GPC6: variants seen among roughly 807,000 people sequenced by gnomAD.
The protein encoded by GPC6 is glypican 6.
A neutral mutation model predicts 55.2 loss-of-function variants in GPC6; 14 were observed. The ratio of observed to expected loss-of-function variants is 0.25; its 90% CI spans 0.17 to 0.40. The LOEUF (loss-of-function observed/expected upper bound fraction) is 0.40, where lower values mean the gene tolerates loss of function less well. Ranked by LOEUF, GPC6 falls within the 10% of genes least tolerant of loss-of-function variation. GPC6 has a pLI of 1.00. For synonymous variants in GPC6, 278 were observed against 259.6 expected (o/e 1.07, Z -0.68); for missense variants, 641 against 708.5 (o/e 0.90, Z 1.08).
At chr13:93,757,562 A>T (rs1884817164) in intron 2 of GPC6, among the ~76,000 whole-genome samples, 1 of 152,202 alleles carries the variant, frequency 6.6e-6, no homozygotes. Flanking sequence ...TCCCTTTGTC[A>T]GTGAACATTG....
intron 2 of GPC6, among the ~76,000 whole-genome samples, chr13:93,804,846 C>T (rs1886493694): frequency 6.6e-6 from 1 of 152,164 alleles, no homozygotes; most frequent in Non-Finnish European, 1.5e-5. Context: ...GTTGGCACAT[C>T]ACTTAAAACT....
At chr13:93,256,378 T>C (rs980706824) in intron 1 of GPC6, among the ~76,000 whole-genome samples, 1 of 152,050 alleles carries the variant, frequency 6.6e-6, no homozygotes, top group Non-Finnish European at 1.5e-5. Flanking sequence ...GAATAATTTA[T>C]CTCTCCTCTT....
At chr13:94,221,581 C>T (rs528928441) in intron 4 of GPC6, among the ~76,000 whole-genome samples, 1 of 152,198 alleles carries the variant, frequency 6.6e-6, no homozygotes, top group East Asian at 1.9e-4. Flanking sequence ...GTATATACTG[C>T]AGTATGATTG....
chr13:93,259,624 C>T (rs1877069440), intron 1 of GPC6, among the ~76,000 whole-genome samples: 1 of 151,644 alleles, frequency 6.6e-6, no homozygotes, highest in South Asian at 2.1e-4. Flanking sequence ...GTTCTTTTTC[C>T]AGTCAGTTTG....
intron 1 of GPC6, among the ~76,000 whole-genome samples, chr13:93,500,540 A>G (rs1471467540): frequency 5.3e-5 from 8 of 152,088 alleles, no homozygotes; most frequent in East Asian, 1.9e-4. Context: ...ATAATTGCAT[A>G]TTACTTAATA....
chr13:94,194,245 T>G (rs1297555118), intron 4 of GPC6, among the ~76,000 whole-genome samples: 1 of 152,226 alleles, frequency 6.6e-6, no homozygotes, highest in African/African-American at 2.4e-5. Context: ...TAAATTTGAA[T>G]TTCAGATAAA....
intron 3 of GPC6, among the ~76,000 whole-genome samples, chr13:93,881,408 A>G (rs1311783058): frequency 6.6e-6 from 1 of 152,108 alleles, no homozygotes; most frequent in Non-Finnish European, 1.5e-5. Flanking sequence ...GCACATTGGT[A>G]ACAAACACCT....
intron 3 of GPC6, among the ~76,000 whole-genome samples, chr13:93,998,772 A>G (rs548980849): frequency 1.3e-5 from 2 of 149,030 alleles, no homozygotes; most frequent in Non-Finnish European, 1.5e-5. Context: ...ATATGTGTGT[A>G]TATATATATA....
At chr13:93,758,355 G>A (rs1463401507) in intron 2 of GPC6, among the ~76,000 whole-genome samples, 2 of 152,154 alleles carry the variant, frequency 1.3e-5, no homozygotes, top group Non-Finnish European at 2.9e-5. Context: ...GAGGGAGAAA[G>A]TCTCCACCAA....
chr13:93,703,410 A>C (rs1392899795), intron 2 of GPC6, among the ~76,000 whole-genome samples: 2 of 152,144 alleles, frequency 1.3e-5, no homozygotes, highest in East Asian at 1.9e-4. Flanking sequence ...AGAATTAACA[A>C]AATTTGACAC....
chr13:94,140,409 G>A (rs1462267740), intron 4 of GPC6, among the ~76,000 whole-genome samples: 1 of 152,174 alleles, frequency 6.6e-6, no homozygotes, highest in Non-Finnish European at 1.5e-5. Context: ...TTTAAAATAT[G>A]TTTAGAATTG....
At chr13:93,488,380 T>C (rs867213281) in intron 1 of GPC6, among the ~76,000 whole-genome samples, 4 of 152,202 alleles carry the variant, frequency 2.6e-5, no homozygotes, top group Non-Finnish European at 5.9e-5. Flanking sequence ...TGATGGACAT[T>C]TGGGTTGGAT....
chr13:93,925,410 A>T (rs1433808313), intron 3 of GPC6, among the ~76,000 whole-genome samples: 1 of 152,222 alleles, frequency 6.6e-6, no homozygotes, highest in Non-Finnish European at 1.5e-5. Flanking sequence ...GAAGAGAAAT[A>T]AAAAGAATGA....
At chr13:94,225,744 G>A (rs1260680509) in intron 4 of GPC6, among the ~76,000 whole-genome samples, 1 of 151,720 alleles carries the variant, frequency 6.6e-6, no homozygotes, top group African/African-American at 2.4e-5. Context: ...GTATTAATCA[G>A]CTGATGAAAA....
intron 1 of GPC6, among the ~76,000 whole-genome samples, chr13:93,428,296 G>A (rs536261289): frequency 1.3e-5 from 2 of 152,202 alleles, no homozygotes; most frequent in African/African-American, 4.8e-5. Flanking sequence ...GAGAAAAGAT[G>A]GTCTTGCTTG....
intron 2 of GPC6, among the ~76,000 whole-genome samples, chr13:93,728,212 GTTTGT>G (rs1332350673): frequency 6.6e-6 from 1 of 151,054 alleles, no homozygotes; most frequent in Non-Finnish European, 1.5e-5. Context: ...GGTTTTGTTT[GTTTGT>G]TTGTTTGTTT....
intron 4 of GPC6, among the ~76,000 whole-genome samples, chr13:94,268,205 C>A (rs1251142585): frequency 1.3e-5 from 2 of 152,152 alleles, no homozygotes; most frequent in African/African-American, 4.8e-5. Flanking sequence ...GAATTCAGAG[C>A]TTCATAGACT....
At chr13:93,529,096 T>C (rs1197177763) in intron 1 of GPC6, among the ~76,000 whole-genome samples, 5 of 152,250 alleles carry the variant, frequency 3.3e-5, no homozygotes, top group Admixed American at 6.5e-5. Context: ...ATAAGACATA[T>C]ATATTGCATC....
intron 4 of GPC6, among the ~76,000 whole-genome samples, chr13:94,085,279 G>A (rs543129999): frequency 4.8e-5 from 6 of 125,628 alleles, no homozygotes; most frequent in Admixed American, 1.1e-4. Context: ...CCGAGATCAC[G>A]CCACTGCACT....
Sources: gnomAD v4.1 joint callset for allele counts (sites outside exome capture counted in the v4.1 genomes callset) on GRCh38, gnomAD v4.1.1 for gene constraint, MANE v1.5 for transcripts, NCBI Gene and HGNC (gene_info 2026-07-23, HGNC 2026-07-21) for gene names.